PCDH11X: variants seen among roughly 807,000 people sequenced by gnomAD.
PCDH11X encodes protocadherin 11 X-linked.
A neutral mutation model predicts 53.3 loss-of-function variants in PCDH11X; 18 were observed. The ratio of observed to expected loss-of-function variants is 0.34; its 90% CI spans 0.23 to 0.50. PCDH11X has a LOEUF of 0.50. Ranked by LOEUF, PCDH11X falls within the 20% of genes least tolerant of loss-of-function variation. PCDH11X has a pLI of 0.98. For synonymous variants in PCDH11X, 279 were observed against 393.3 expected, an observed-to-expected ratio of 0.71 and a Z score of 3.44; for missense variants, 570 against 1,032.4, an observed-to-expected ratio of 0.55 and a Z score of 6.14.
intron 6 of PCDH11X, among the ~76,000 whole-genome samples, chrX:92,007,392 C>T (rs2062618233): frequency 8.9e-6 from 1 of 111,943 alleles, no homozygotes; most frequent in African/African-American, 3.2e-5. Context: ...GCCACCACCA[C>T]CTCAGGCCAT....
At chrX:92,428,052 C>T (rs1442327777) in intron 9 of PCDH11X, among the ~76,000 whole-genome samples, 1 of 98,055 alleles carries the variant, frequency 1.0e-5, no homozygotes, top group African/African-American at 3.7e-5. Flanking sequence ...ATCTAATCTA[C>T]TAGTGTCATT....
At chrX:92,465,787 G>C (rs1325859223) in intron 9 of PCDH11X, among the ~76,000 whole-genome samples, 30 of 109,437 alleles carry the variant, frequency 2.7e-4, no homozygotes, top group African/African-American at 1.0e-3. Flanking sequence ...GAAACTCAAA[G>C]AGGAGATTTT....
chrX:92,353,271 A>G (rs1190675779), intron 8 of PCDH11X, among the ~76,000 whole-genome samples: 2 of 112,237 alleles, frequency 1.8e-5, no homozygotes, highest in East Asian at 5.6e-4. Flanking sequence ...TGAACTCCAT[A>G]GATGATTTTC....
At chrX:92,340,847 C>G (rs2069740295) in intron 8 of PCDH11X, among the ~76,000 whole-genome samples, 2 of 111,998 alleles carry the variant, frequency 1.8e-5, no homozygotes, top group Admixed American at 9.4e-5. Context: ...AGTGGTTGCT[C>G]CACCACCTGC....
chrX:92,309,669 T>A (rs1452357351), intron 8 of PCDH11X, among the ~76,000 whole-genome samples: 1 of 111,984 alleles, frequency 8.9e-6, no homozygotes, highest in Non-Finnish European at 1.9e-5. Flanking sequence ...GTTATATTTT[T>A]TCACAATGAA....
At chrX:91,846,764 A>G (rs1158461595) in intron 5 of PCDH11X, among the ~76,000 whole-genome samples, 2 of 111,280 alleles carry the variant, frequency 1.8e-5, no homozygotes, top group South Asian at 7.6e-4. Context: ...ATTCACCCAT[A>G]TTTGTGGTGC....
chrX:92,540,564 T>C (rs2074737959), intron 10 of PCDH11X, among the ~76,000 whole-genome samples: 1 of 102,410 alleles, frequency 9.8e-6, no homozygotes, highest in African/African-American at 3.6e-5. Context: ...GTGACCAAAC[T>C]GGTATCTAGT....
intron 7 of PCDH11X, among the ~76,000 whole-genome samples, chrX:92,209,020 A>T (rs1165293481): frequency 9.0e-6 from 1 of 110,973 alleles, no homozygotes; most frequent in Non-Finnish European, 1.9e-5. Flanking sequence ...AAGAACAGCA[A>T]GGGGGAAGTC....
chrX:92,315,368 T>A (rs765507556), intron 8 of PCDH11X, among the ~76,000 whole-genome samples: 1 of 111,504 alleles, frequency 9.0e-6, no homozygotes, highest in South Asian at 3.8e-4. Context: ...AGCTGGTTTT[T>A]AAAATTATTG....
At chrX:92,169,249 A>G (rs1468936128) in intron 6 of PCDH11X, among the ~76,000 whole-genome samples, 1 of 81,063 alleles carries the variant, frequency 1.2e-5, no homozygotes, top group Admixed American at 1.3e-4. Context: ...GAGCTTTATC[A>G]GTCTCCAGTG....
intron 7 of PCDH11X, among the ~76,000 whole-genome samples, chrX:92,260,256 A>G (rs1342128054): frequency 9.0e-6 from 1 of 111,458 alleles, no homozygotes; most frequent in East Asian, 2.8e-4. Flanking sequence ...TGTTTGCAGG[A>G]ACTGAAGTTT....
intron 8 of PCDH11X, among the ~76,000 whole-genome samples, chrX:92,384,442 G>A (rs2522767): frequency 1.8e-5 from 2 of 111,983 alleles, no homozygotes; most frequent in African/African-American, 6.5e-5. Flanking sequence ...AGACAGAGCC[G>A]ATTTATCAAG....
intron 6 of PCDH11X, among the ~76,000 whole-genome samples, chrX:91,984,307 CTT>C (rs980755839): frequency 3.0e-5 from 3 of 100,689 alleles, no homozygotes; most frequent in African/African-American, 1.1e-4. Flanking sequence ...AGTTTAATCT[CTT>C]TAAGAATATG....
rs372583857 is a variant in PCDH11X at position 92,368,967 on chromosome X, G to A, written c.3145-18768G>A. Among the ~76,000 whole-genome samples the A allele has an allele frequency of 1.9e-3, 201 of 103,527 alleles. 9 individuals carry two copies. In the East Asian group the frequency reaches 0.047, roughly 24 times the overall value. 89.9% of individuals were successfully genotyped at this position (103,527 alleles called of 115,157 possible). On this transcript the variant is annotated intron_variant, in intron 8 of 10. Coordinates refer to ENST00000682573, the MANE Select transcript of PCDH11X (RefSeq NM_032968.5). ...TTGGGAGGTCTCTCCCAGTCAGGAG[G>A]CACTGGGGTCAGGGACCTACTTGAG...
Position 92,139,659 on chromosome X carries a change from C to G in PCDH11X, c.3034-61716C>G, listed in dbSNP as rs754707941. Among the ~76,000 whole-genome samples, 33 of 111,333 alleles carry G rather than the reference C, an allele frequency of 3.0e-4. 1 individual carries two copies. The highest frequency in any genetic ancestry group is 1.0e-3 in the African/African-American group (31 of 30,723). ...CTTTATGAACTATTTATCCATGAGACAACAATAAGAAACTTTATCAGAAAG... is the reference window on the plus strand; with the variant it reads ...CTTTATGAACTATTTATCCATGAGAGAACAATAAGAAACTTTATCAGAAAG... On this transcript the variant is annotated intron_variant, in intron 6 of 10. Transcript: ENST00000682573.
At chrX:92,404,427 G>A (rs2754950) in intron 9 of PCDH11X, among the ~76,000 whole-genome samples, 13 of 110,616 alleles carry the variant, frequency 1.2e-4, no homozygotes, top group Non-Finnish European at 1.7e-4. Context: ...TTCTATCCTC[G>A]TTTATATTCA....
At chrX:92,273,984 G>A (rs1413201644) in intron 8 of PCDH11X, among the ~76,000 whole-genome samples, 3 of 108,759 alleles carry the variant, frequency 2.8e-5, no homozygotes, top group Non-Finnish European at 5.7e-5. Flanking sequence ...GAGAAACAGT[G>A]TAAACCGGCA....
intron 6 of PCDH11X, among the ~76,000 whole-genome samples, chrX:91,896,506 A>C (rs1429978657): frequency 2.1e-5 from 2 of 95,143 alleles, no homozygotes; most frequent in African/African-American, 7.8e-5. Flanking sequence ...CTGTAGTATT[A>C]CCTATAATCT....
At chrX:92,146,818 G>C (rs2065274476) in intron 6 of PCDH11X, among the ~76,000 whole-genome samples, 1 of 110,262 alleles carries the variant, frequency 9.1e-6, no homozygotes, top group Non-Finnish European at 1.9e-5. Context: ...GGCCAGCAAG[G>C]CGAAACCCCA....
Sources: allele counts gnomAD v4.1 joint callset (sites outside exome capture counted in the v4.1 genomes callset), GRCh38; gene constraint gnomAD v4.1.1; transcripts MANE v1.5; gene names NCBI Gene and HGNC (gene_info 2026-07-23, HGNC 2026-07-21).